ODF1: variants seen among roughly 807,000 people sequenced by gnomAD.
The protein encoded by ODF1 is outer dense fiber protein 1.
A neutral mutation model predicts 24.0 loss-of-function variants in ODF1; 10 were observed. The observed-to-expected ratio is 0.42, with a 90% CI of 0.26 to 0.71. The LOEUF is 0.71. Among genes scored for constraint, ODF1 ranks in the 30% least tolerant of loss-of-function variants. The probability of loss-of-function intolerance (pLI) is 0.28; values close to 1 mark genes in which losing one functional copy is unlikely to be tolerated. For missense variants in ODF1, 282 were observed against 307.9 expected (o/e 0.92, Z 0.63); for synonymous variants, 118 against 121.3 (o/e 0.97, Z 0.18).
intron 1 of ODF1, among the ~76,000 whole-genome samples, chr8:102,557,660 C>T (rs1160480327): frequency 2.6e-5 from 4 of 152,246 alleles, no homozygotes; most frequent in African/African-American, 9.6e-5. Context: ...TTGCCAAAAC[C>T]AGCTGTGGCC....
intron 1 of ODF1, among the ~76,000 whole-genome samples, chr8:102,554,370 G>C (rs867657007): frequency 1.4e-4 from 21 of 152,174 alleles, no homozygotes; most frequent in African/African-American, 5.1e-4. Flanking sequence ...AAGAATGCAA[G>C]GGGGTTGGTT....
chr8:102,551,922 C>G lies in ODF1; in HGVS notation c.195C>G (p.Cys65Trp). 1 of 1,614,142 alleles carries G rather than the reference C, an allele frequency of 6.2e-7. No homozygotes were observed. The highest frequency in any genetic ancestry group is 8.5e-7 in the Non-Finnish European group (1 of 1,180,026). The change falls in exon 1 of 2, where the codon TGC (cysteine) becomes TGG (tryptophan). Residue 65 changes from cysteine to tryptophan, a missense_variant. Coordinates refer to ENST00000285402, the MANE Select transcript of ODF1 (RefSeq NM_024410.4). Reference sequence around the variant, plus strand: ...GCTATTCCAAGCGATCACGCTCTTGCGGCCTGTGTGATCTCTACCCATGTT... The same window carrying G: ...GCTATTCCAAGCGATCACGCTCTTGGGGCCTGTGTGATCTCTACCCATGTT... ...CLCYSKRSRS[C>W]GLCDLYPCCL...
intron 1 of ODF1, 36 bp downstream of exon 1, chr8:102,552,083 A>G (rs760125359): frequency 4.8e-6 from 7 of 1,464,140 alleles, no homozygotes; most frequent in Non-Finnish European, 6.5e-6. Flanking sequence ...TATAGTCGGT[A>G]TATTAGCCTT....
chr8:102,559,805 G>A (rs2131032497), intron 1 of ODF1, among the ~76,000 whole-genome samples: 1 of 151,710 alleles, frequency 6.6e-6, no homozygotes, highest in Non-Finnish European at 1.5e-5. Flanking sequence ...ATTGCAAGAG[G>A]TAGCACCTGT....
Position 102,552,018 on chromosome 8 carries a change from C to T in ODF1, c.291C>T (p.Ala97=). 1 of 1,599,356 alleles carries T rather than the reference C, an allele frequency of 6.3e-7. No homozygotes were observed. The highest frequency in any genetic ancestry group is 1.1e-5 in the South Asian group (1 of 89,840). ...GTTTGGAGAGGAAAGCCATCAGAGCCATAGAAGATGAGAAGCGAGAGCTTG... is the reference window on the plus strand; with the variant it reads ...GTTTGGAGAGGAAAGCCATCAGAGCTATAGAAGATGAGAAGCGAGAGCTTG... ...LRSLERKAIR[A]IEDEKRELAK... The change falls in exon 1 of 2, where the codon GCC becomes GCT. Residue 97 remains alanine (A), a synonymous_variant. Transcript: ENST00000285402.
intron 1 of ODF1, among the ~76,000 whole-genome samples, chr8:102,555,890 A>G (rs1006128752): frequency 1.3e-5 from 2 of 152,108 alleles, no homozygotes; most frequent in East Asian, 3.9e-4. Flanking sequence ...CTTCACATCC[A>G]TAGTTCTCAG....
chr8:102,555,747 C>T (rs956614312), intron 1 of ODF1, among the ~76,000 whole-genome samples: 1 of 152,178 alleles, frequency 6.6e-6, no homozygotes, highest in Non-Finnish European at 1.5e-5. Context: ...TATAAGTGAG[C>T]CCTATGGGGC....
intron 1 of ODF1, among the ~76,000 whole-genome samples, chr8:102,554,755 C>A (rs1826091890): frequency 6.6e-6 from 1 of 152,076 alleles, no homozygotes; most frequent in Non-Finnish European, 1.5e-5. Context: ...GAGTTTGGGA[C>A]CAGCCTGAGC....
chr8:102,557,470 T>G lies in ODF1; in HGVS notation c.321-2982T>G, dbSNP rs114043368. 8.0e-3 allele frequency among the ~76,000 whole-genome samples: 1,226 copies of G among 152,336 alleles called. 17 individuals are homozygous for G. Among genetic ancestry groups the G allele is most frequent in the African/African-American group, 0.028 (1,158 of 41,586 alleles). On this transcript the variant is annotated intron_variant, in intron 1 of 1. Transcript: ENST00000285402. ...CCTGAAGACATTTGTGAGATCCTTG[T>G]GTGCTGTCGCAGAGCCACAGGAGCC... is the stretch of plus-strand genomic sequence containing the variant.
chr8:102,560,004 A>G (rs1275438735), intron 1 of ODF1, among the ~76,000 whole-genome samples: 1 of 151,378 alleles, frequency 6.6e-6, no homozygotes, highest in African/African-American at 2.4e-5. Context: ...ATAATTAAGC[A>G]GGATTTATAA....
rs1203157352 is a variant in ODF1 at position 102,560,904 on chromosome 8, T to A, written c.*20T>A. 2.5e-6 allele frequency: 4 copies of A among 1,577,744 alleles called. No individual in the cohort carries two copies. Among genetic ancestry groups the A allele is most frequent in the Non-Finnish European group, 3.4e-6 (4 of 1,160,174 alleles). On this transcript the variant is annotated 3_prime_UTR_variant, in exon 2 of 2. Transcript: ENST00000285402. ...TTGTAAAGTGCGCATAGGAACCCAT[T>A]ACTTAATAGAAGTCAGTTACTCCAG...
chr8:102,553,270 G>A (rs1196064716), intron 1 of ODF1, among the ~76,000 whole-genome samples: 12 of 149,758 alleles, frequency 8.0e-5, no homozygotes, highest in African/African-American at 2.5e-4. Flanking sequence ...CCAGCTACTC[G>A]TGAGACTGAG....
chr8:102,560,090 A>G (rs1826159989), intron 1 of ODF1, among the ~76,000 whole-genome samples: 1 of 151,402 alleles, frequency 6.6e-6, no homozygotes, highest in Non-Finnish European at 1.5e-5. Context: ...TGCAGGCATT[A>G]TTATTGTTAT....
At position 102,551,914 on chromosome 8, in the gene ODF1, C is replaced by T. The variant is rs771876215; in HGVS notation, c.187C>T (p.Arg63Cys). 28 of 1,614,032 alleles carry T rather than the reference C, an allele frequency of 1.7e-5. No homozygotes were observed. Among genetic ancestry groups the T allele is most frequent in the African/African-American group, 4.0e-5 (3 of 74,912 alleles). Residue 63 changes from arginine (R) to cysteine (C), a missense_variant, in exon 1 of 2, where the codon CGC becomes TGC. Physicochemically the swap from Arg to Cys is radical, Grantham distance 180 (BLOSUM62 -3). Transcript: ENST00000285402. ...CTGCTTGTGCTATTCCAAGCGATCA[C>T]GCTCTTGCGGCCTGTGTGATCTCTA... is the stretch of plus-strand genomic sequence containing the variant. ...PYCLCYSKRS[R>C]SCGLCDLYPC...
intron 1 of ODF1, among the ~76,000 whole-genome samples, chr8:102,558,077 C>T (rs1308493955): frequency 6.6e-6 from 1 of 152,178 alleles, no homozygotes; most frequent in Non-Finnish European, 1.5e-5. Context: ...GTTAGTGTGG[C>T]ATAGGGTACC....
chr8:102,556,653 A>G (rs902464804), intron 1 of ODF1, among the ~76,000 whole-genome samples: 4 of 152,188 alleles, frequency 2.6e-5, no homozygotes, highest in Non-Finnish European at 5.9e-5. Flanking sequence ...CAGGAGAGTC[A>G]GATGCACCTG....
chr8:102,554,113 T>A (rs1459748962), intron 1 of ODF1, among the ~76,000 whole-genome samples: 1 of 152,232 alleles, frequency 6.6e-6, no homozygotes, highest in Non-Finnish European at 1.5e-5. Flanking sequence ...AATATTCAAT[T>A]TTCCTGAATA....
At position 102,560,552 on chromosome 8, in the gene ODF1, G is replaced by A. The variant is rs1324256275; in HGVS notation, c.421G>A (p.Val141Ile). 1.2e-6 allele frequency: 2 copies of A among 1,614,234 alleles called. No individual in the cohort carries two copies. The highest frequency in any genetic ancestry group is 1.7e-5 in the Admixed American group (1 of 60,026). The part of the protein sequence containing the change: ...VCGFEPDQVK[V>I]RVKDGKVCVS... ...CGGTTTTGAACCCGATCAAGTCAAA[G>A]TTCGAGTGAAGGATGGAAAGGTATG... Residue 141 changes from valine to isoleucine, a missense_variant, in exon 2 of 2, where the codon GTT becomes ATT. Physicochemically the swap from Val to Ile is conservative, Grantham distance 29. Transcript: ENST00000285402.
chr8:102,551,993 G>A lies in ODF1; in HGVS notation c.266G>A (p.Ser89Asn). The A allele has an allele frequency of 6.2e-7, 1 of 1,612,156 alleles. No homozygotes were observed. The highest frequency in any genetic ancestry group is 1.1e-5 in the South Asian group (1 of 90,952). The change falls in exon 1 of 2, where the codon AGT (serine) becomes AAT (asparagine). Residue 89 changes from serine to asparagine, a missense_variant. By Grantham distance (46) the Ser-to-Asn change is conservative. Transcript: ENST00000285402. ...TACTGTCTGCGACCATCTCTCAGAA[G>A]TTTGGAGAGGAAAGCCATCAGAGCC... Reference protein sequence around the residue: ...KLYCLRPSLRSLERKAIRAIE... With the variant: ...KLYCLRPSLRNLERKAIRAIE...
Sources: allele counts gnomAD v4.1 joint callset (sites outside exome capture counted in the v4.1 genomes callset), GRCh38; gene constraint gnomAD v4.1.1; transcripts MANE v1.5; gene names NCBI Gene and HGNC (gene_info 2026-07-23, HGNC 2026-07-21).